Variants in TBX5 observed in about 807,000 individuals in gnomAD.
TBX5 encodes the protein T-box transcription factor 5.
TBX5 carries 8 observed loss-of-function variants against 51.1 expected under a neutral mutation model. The observed-to-expected ratio is 0.16, with a 90% CI of 0.09 to 0.28. The LOEUF is 0.28. TBX5 is among the 10% of genes least tolerant of loss of function. The pLI is 1.00. For synonymous variants in TBX5, 302 were observed against 266.4 expected (o/e 1.13, Z -1.30); for missense variants, 589 against 671.7 (o/e 0.88, Z 1.36).
Position 114,401,926 on chromosome 12 carries a change from A to G in TBX5, c.148-6T>C. On this transcript the variant is annotated splice_region_variant and splice_polypyrimidine_tract_variant and intron_variant, in intron 2 of 8. Coordinates refer to ENST00000405440, the MANE Select transcript of TBX5 (RefSeq NM_181486.4). ...ACTTTGATTCCCTCCATGCCCTGCA[A>G]GAAGGAGAAAAAAGTCACACTAACA... is the stretch of plus-strand genomic sequence containing the variant. 6.2e-7 allele frequency: 1 copy of G among 1,613,986 alleles called. No individual in the cohort carries two copies. The highest frequency in any genetic ancestry group is 8.5e-7 in the Non-Finnish European group (1 of 1,179,876).
At chr12:114,359,726 A>G (rs1212777289) in intron 8 of TBX5, among the ~76,000 whole-genome samples, 3 of 152,250 alleles carry the variant, frequency 2.0e-5, no homozygotes, top group Non-Finnish European at 2.9e-5. Flanking sequence ...GCACAGAGTT[A>G]CAGCTCCAAT....
At chr12:114,405,402 G>A (rs543668778) in intron 1 of TBX5, among the ~76,000 whole-genome samples, 3 of 152,274 alleles carry the variant, frequency 2.0e-5, no homozygotes, top group Admixed American at 6.5e-5. Context: ...ACAAGATGCG[G>A]TTTGACAGAA....
intron 7 of TBX5, among the ~76,000 whole-genome samples, chr12:114,376,473 G>A (rs1270259267): frequency 6.6e-6 from 1 of 152,104 alleles, no homozygotes; most frequent in Admixed American, 6.6e-5. Context: ...GAGAATGGTG[G>A]TTGCCAGTAG....
intron 8 of TBX5, among the ~76,000 whole-genome samples, 172 bp from the exon 9 acceptor site, chr12:114,356,278 G>A (rs1267570138): frequency 6.6e-6 from 1 of 152,170 alleles, no homozygotes; most frequent in East Asian, 1.9e-4. Context: ...AAGACCTTGG[G>A]CTATGGAGTT....
At chr12:114,368,685 G>T (rs1230483653) in intron 7 of TBX5, among the ~76,000 whole-genome samples, 1 of 152,144 alleles carries the variant, frequency 6.6e-6, no homozygotes, top group Non-Finnish European at 1.5e-5. Context: ...CAGGGTTTTG[G>T]GGTACAAGAC....
rs770728362 is a variant in TBX5 at position 114,366,283 on chromosome 12, C to A, written c.864G>T (p.Gly288=). 1 of 1,614,052 alleles carries A rather than the reference C, an allele frequency of 6.2e-7. No homozygotes were observed. Among genetic ancestry groups the A allele is most frequent in the East Asian group, 2.2e-5 (1 of 44,862 alleles). The change falls in exon 8 of 9, where the codon GGG becomes GGT. Residue 288 remains glycine, a synonymous_variant. Transcript: ENST00000405440. ...CACCATTCTCACACTGGTATTGGGACCCCAAATTGGATGAGGTGGAGAGAG... is the reference window on the plus strand; with the variant it reads ...CACCATTCTCACACTGGTATTGGGAACCCAAATTGGATGAGGTGGAGAGAG... ...SRALSTSSNL[G]SQYQCENGVS... is the part of the protein sequence containing the mutation.
chr12:114,358,871 C>T (rs1869071501), intron 8 of TBX5, among the ~76,000 whole-genome samples: 1 of 152,020 alleles, frequency 6.6e-6, no homozygotes, highest in Non-Finnish European at 1.5e-5. Flanking sequence ...TCCCTTGATT[C>T]CTTTCCTTCA....
At chr12:114,373,512 G>A (rs1161068957) in intron 7 of TBX5, among the ~76,000 whole-genome samples, 1 of 152,224 alleles carries the variant, frequency 6.6e-6, no homozygotes, top group Non-Finnish European at 1.5e-5. Flanking sequence ...AGGCTGGAGT[G>A]CAATGGTGCA....
intron 7 of TBX5, among the ~76,000 whole-genome samples, chr12:114,376,646 A>G (rs982308201): frequency 6.6e-6 from 1 of 150,442 alleles, no homozygotes; most frequent in African/African-American, 2.4e-5. Flanking sequence ...TACATCTTAA[A>G]TATTTATATA....
At position 114,354,959 on chromosome 12, in the gene TBX5, C is replaced by A; in HGVS notation, c.*573G>T. On this transcript the variant is annotated 3_prime_UTR_variant, in exon 9 of 9. Transcript: ENST00000405440. Reference sequence around the variant, plus strand: ...GGCAGAGGTAGGTGCTTTTCTTAGTCAAGGGGAAACGTGAATTTAGGTTTC... The same window carrying A: ...GGCAGAGGTAGGTGCTTTTCTTAGTAAAGGGGAAACGTGAATTTAGGTTTC... The A allele has an allele frequency of 6.2e-6, 1 of 162,100 alleles. No homozygotes were observed. Among genetic ancestry groups the A allele is most frequent in the Non-Finnish European group, 1.4e-5 (1 of 73,718 alleles). The allele number at this position is 162,100 out of a possible 1,614,324, so 10.0% of individuals were successfully genotyped here. A position where few individuals can be genotyped will look rare whatever the true frequency, so the allele number is the denominator to read the frequency against.
rs1160624576 is a variant in TBX5, at chr12:114,355,587, T to C, written c.1502A>G (p.Gln501Arg). Residue 501 changes from glutamine (Q) to arginine (R), a missense_variant, in exon 9 of 9, where the codon CAG becomes CGG. Around this residue, in one of 7 missense-constraint regions of TBX5, gnomAD observed 348 missense variants for 360.4 expected, o/e 0.97. Transcript: ENST00000405440. ...HGVPRTLSPHQYHSVHGVGMV... is the reference protein window; with the variant it reads ...HGVPRTLSPHRYHSVHGVGMV... ...GCCAACTCCGTGCACAGAGTGGTAC[T>C]GATGAGGGGATAGAGTCCTTGGCAC... The C allele has an allele frequency of 1.2e-6, 2 of 1,614,082 alleles. No homozygotes were observed. The highest frequency in any genetic ancestry group is 1.3e-5 in the African/African-American group (1 of 74,920).
intron 3 of TBX5, 143 bp downstream of exon 3, chr12:114,401,683 C>G: frequency 1.1e-5 from 8 of 729,198 alleles, no homozygotes; most frequent in Non-Finnish European, 1.2e-5. Context: ...CTCTCTCTCT[C>G]CTCTCCTCTC....
At chr12:114,356,990 CG>C (rs1868953750) in intron 8 of TBX5, among the ~76,000 whole-genome samples, 6 of 143,202 alleles carry the variant, frequency 4.2e-5, no homozygotes, top group Middle Eastern at 3.6e-3. Flanking sequence ...AATATTTGTA[CG>C]ATGGATGGAT....
chr12:114,372,881 C>T (rs1002270608), intron 7 of TBX5, among the ~76,000 whole-genome samples: 3 of 151,882 alleles, frequency 2.0e-5, no homozygotes, highest in Non-Finnish European at 4.4e-5. Flanking sequence ...TTTACCCAAG[C>T]CTCAGTCTTC....
rs541205665 is a variant in TBX5, at chr12:114,399,677, C to A, written c.243-45G>T. The stretch of plus-strand genomic sequence containing the variant: ...GGAGAGAGGGGGGCGGGAATTAATG[C>A]CAGTATTTTAAGGCAGCCTCCATCC... On this transcript the variant is annotated intron_variant, in intron 3 of 8. Coordinates refer to ENST00000405440, the MANE Select transcript of TBX5 (RefSeq NM_181486.4). 4 of 1,613,690 alleles carry A rather than the reference C, an allele frequency of 2.5e-6. No homozygotes were observed. The African/African-American group carries it at 5.3e-5, about 22-fold the overall frequency.
intron 5 of TBX5, among the ~76,000 whole-genome samples, chr12:114,395,874 C>A (rs1895604): frequency 0.37 from 55,707 of 151,832 alleles, 11,737 homozygotes; most frequent in Admixed American, 0.56. Context: ...CTTGCTGGAG[C>A]CAGGGCTAGT....
rs189743246 is a variant in TBX5, at chr12:114,393,731, G to A, written c.663+1010C>T. ...GGTCTGACTTTCACACAATCCATGC[G>A]ACAGCATACCGCCCCTACACCAAAC... On this transcript the variant is annotated intron_variant, in intron 6 of 8. Transcript: ENST00000405440. Among the ~76,000 whole-genome samples the A allele has an allele frequency of 5.7e-3, 874 of 152,200 alleles. 25 individuals carry two copies. The highest frequency in any genetic ancestry group is 1.3e-3 in the Non-Finnish European group (86 of 68,016).
intron 6 of TBX5, among the ~76,000 whole-genome samples, chr12:114,387,613 C>T (rs1267418539): frequency 1.3e-5 from 2 of 152,082 alleles, no homozygotes; most frequent in Admixed American, 6.6e-5. Flanking sequence ...TTTGTCCAAA[C>T]CCATGGAATG....
chr12:114,367,526 AT>A (rs1314721309), intron 7 of TBX5, among the ~76,000 whole-genome samples: 2 of 151,840 alleles, frequency 1.3e-5, no homozygotes, highest in Non-Finnish European at 2.9e-5. Context: ...AGGTGTTCCC[AT>A]TTTTTTTCCT....
Sources: allele counts gnomAD v4.1 joint callset (sites outside exome capture counted in the v4.1 genomes callset), GRCh38; gene constraint gnomAD v4.1.1; regional missense constraint gnomAD v4.1.1; transcripts MANE v1.5; gene names NCBI Gene and HGNC (gene_info 2026-07-23, HGNC 2026-07-21).